The following IL1RAPL1 variants were observed in gnomAD, a reference collection of about 807,000 sequenced individuals.
IL1RAPL1 encodes interleukin-1 receptor accessory protein-like 1.
Under a neutral mutation model 48.4 loss-of-function variants are expected in IL1RAPL1, and 3 were observed. The ratio of observed to expected loss-of-function variants is 0.06; its 90% confidence interval spans 0.03 to 0.16. The LOEUF is 0.16. Among genes scored for constraint, IL1RAPL1 ranks in the 10% least tolerant of loss-of-function variants. IL1RAPL1 has a pLI of 1.00. For synonymous variants in IL1RAPL1, 185 were observed against 187.7 expected (o/e 0.99, Z 0.12); for missense variants, 349 against 530.6 (o/e 0.66, Z 3.36).
chrX:29,830,137 T>G (rs182228561), intron 6 of IL1RAPL1, among the ~76,000 whole-genome samples: 2 of 112,004 alleles, frequency 1.8e-5, no homozygotes, highest in African/African-American at 6.5e-5. Flanking sequence ...CCCTTGCATA[T>G]TTTTCATAAC....
At chrX:28,796,812 G>A (rs2147269123) in intron 2 of IL1RAPL1, among the ~76,000 whole-genome samples, 1 of 111,745 alleles carries the variant, frequency 8.9e-6, no homozygotes, top group South Asian at 3.8e-4. Flanking sequence ...ACTAGGCAGT[G>A]CCCCAGTAGG....
At chrX:28,928,030 C>G (rs1412249036) in intron 2 of IL1RAPL1, among the ~76,000 whole-genome samples, 1 of 111,038 alleles carries the variant, frequency 9.0e-6, no homozygotes, top group African/African-American at 3.3e-5. Context: ...GAGTACGTAT[C>G]TAATATGAAT....
intron 1 of IL1RAPL1, among the ~76,000 whole-genome samples, chrX:28,750,675 G>A (rs1361437329): frequency 8.9e-6 from 1 of 111,829 alleles, no homozygotes; most frequent in Non-Finnish European, 1.9e-5. Context: ...AGTTAAAGAA[G>A]TGGCATTTAT....
chrX:28,863,692 A>G (rs777752272), intron 2 of IL1RAPL1, among the ~76,000 whole-genome samples: 1 of 111,740 alleles, frequency 8.9e-6, no homozygotes, highest in South Asian at 3.7e-4. Flanking sequence ...CTAGATTTCA[A>G]TTTATCAACC....
intron 5 of IL1RAPL1, among the ~76,000 whole-genome samples, chrX:29,479,052 T>C (rs1935008329): frequency 9.1e-6 from 1 of 109,806 alleles, no homozygotes; most frequent in South Asian, 4.0e-4. Flanking sequence ...TTTTTCTCTG[T>C]CTCTCACTAA....
intron 2 of IL1RAPL1, among the ~76,000 whole-genome samples, chrX:29,087,119 G>C (rs1218289111): frequency 9.3e-6 from 1 of 107,232 alleles, no homozygotes; most frequent in Non-Finnish European, 1.9e-5. Flanking sequence ...ACATGACAGA[G>C]GACATTATTT....
At chrX:29,889,699 TTGTC>T (rs1431200371) in intron 6 of IL1RAPL1, among the ~76,000 whole-genome samples, 2 of 111,545 alleles carry the variant, frequency 1.8e-5, no homozygotes, top group South Asian at 3.7e-4. Context: ...TTTGTCATGT[TTGTC>T]TATTATTATA....
intron 3 of IL1RAPL1, among the ~76,000 whole-genome samples, chrX:29,381,834 AT>A (rs1322040250): frequency 0.014 from 251 of 18,382 alleles, no homozygotes; most frequent in African/African-American, 0.027. Context: ...AAAAAAAAAA[AT>A]ATATATATAT....
chrX:29,513,305 T>C (rs1419675315), intron 5 of IL1RAPL1, among the ~76,000 whole-genome samples: 1 of 111,579 alleles, frequency 9.0e-6, no homozygotes, highest in Non-Finnish European at 1.9e-5. Context: ...GATTATCACC[T>C]ACATAATGCT....
intron 5 of IL1RAPL1, among the ~76,000 whole-genome samples, chrX:29,483,158 A>AT (rs1935058737): frequency 8.9e-6 from 1 of 112,054 alleles, no homozygotes; most frequent in African/African-American, 3.2e-5. Flanking sequence ...TTTCAGAGCT[A>AT]TTTTAGCCAC....
chrX:28,631,526 A>G, intron 1 of IL1RAPL1, among the ~76,000 whole-genome samples: 1 of 112,538 alleles, frequency 8.9e-6, no homozygotes, highest in Non-Finnish European at 1.9e-5. Context: ...AGTGGTATAG[A>G]CCATAGGGGT....
chrX:28,929,429 A>G (rs986565195), intron 2 of IL1RAPL1, among the ~76,000 whole-genome samples: 7 of 111,602 alleles, frequency 6.3e-5, no homozygotes, highest in Admixed American at 9.5e-5. Flanking sequence ...CACTCCTCTC[A>G]TTCCTTACTG....
At chrX:28,800,350 G>A (rs952197401) in intron 2 of IL1RAPL1, among the ~76,000 whole-genome samples, 9 of 112,058 alleles carry the variant, frequency 8.0e-5, no homozygotes, top group Non-Finnish European at 1.3e-4. Flanking sequence ...AGGTCTTGGC[G>A]GACATATCTT....
At chrX:29,916,482 T>C (rs1452222788) in intron 6 of IL1RAPL1, among the ~76,000 whole-genome samples, 1 of 111,930 alleles carries the variant, frequency 8.9e-6, no homozygotes, top group East Asian at 2.8e-4. Flanking sequence ...TGTTGCTTTT[T>C]CATTTTCAGC....
chrX:29,030,164 T>C (rs1326919883), intron 2 of IL1RAPL1, among the ~76,000 whole-genome samples: 2 of 111,346 alleles, frequency 1.8e-5, no homozygotes, highest in Non-Finnish European at 3.8e-5. Context: ...TTAGAATATA[T>C]CTCAGAATTG....
intron 1 of IL1RAPL1, among the ~76,000 whole-genome samples, chrX:28,738,169 CT>C (rs747811250): frequency 0.028 from 3,026 of 109,196 alleles, 106 homozygotes; most frequent in African/African-American, 0.098. Context: ...TATCTAATCT[CT>C]TTTTTTAAAA....
intron 6 of IL1RAPL1, among the ~76,000 whole-genome samples, chrX:29,907,079 T>G (rs1192718035): frequency 1.8e-5 from 2 of 111,733 alleles, no homozygotes; most frequent in Non-Finnish European, 3.8e-5. Context: ...TAGTAATAAC[T>G]TTCCCTAAAG....
chrX:28,667,419 C>T (rs1248927749), intron 1 of IL1RAPL1, among the ~76,000 whole-genome samples: 1 of 112,222 alleles, frequency 8.9e-6, no homozygotes, highest in Non-Finnish European at 1.9e-5. Context: ...TGTTGCCTCG[C>T]ATGTCTTTTG....
At chrX:28,974,163 C>T (rs771468956) in intron 2 of IL1RAPL1, among the ~76,000 whole-genome samples, 16 of 111,699 alleles carry the variant, frequency 1.4e-4, no homozygotes, top group African/African-American at 4.6e-4. Context: ...GGATGTGACT[C>T]CTGGCTTCCC....
Sources: gnomAD v4.1 joint callset for allele counts (sites outside exome capture counted in the v4.1 genomes callset) on GRCh38, gnomAD v4.1.1 for gene constraint, MANE v1.5 for transcripts, NCBI Gene and HGNC (gene_info 2026-07-23, HGNC 2026-07-21) for gene names.